DLG2: variants seen among roughly 807,000 people sequenced by gnomAD.
The protein encoded by DLG2 is discs large MAGUK scaffold protein 2.
In DLG2, 45 loss-of-function variants were observed where a neutral mutation model predicts 132.5. That is an observed-to-expected ratio of 0.34 (90% CI 0.27 to 0.44). The LOEUF (loss-of-function observed/expected upper bound fraction) is 0.44, where lower values mean the gene tolerates loss of function less well. Ranked by LOEUF, DLG2 falls within the 20% of genes least tolerant of loss-of-function variation. DLG2 has a pLI of 1.00. For synonymous variants in DLG2, 424 were observed against 419.6 expected, an observed-to-expected ratio of 1.01 and a Z score of -0.13; for missense variants, 1,045 against 1,196.9, an observed-to-expected ratio of 0.87 and a Z score of 1.87.
At chr11:85,270,941 G>A (rs72950131) in intron 4 of DLG2, among the ~76,000 whole-genome samples, 41 of 152,310 alleles carry the variant, frequency 2.7e-4, no homozygotes, top group Admixed American at 1.2e-3. Flanking sequence ...CTGACAATCC[G>A]ATAGAAAGCA....
intron 4 of DLG2, among the ~76,000 whole-genome samples, chr11:85,174,144 C>T (rs2079060991): frequency 6.6e-6 from 1 of 152,122 alleles, no homozygotes; most frequent in Non-Finnish European, 1.5e-5. Flanking sequence ...ACAGAACTCT[C>T]CAACCAAAAA....
At chr11:83,981,645 C>T (rs561541907) in intron 11 of DLG2, among the ~76,000 whole-genome samples, 3 of 152,100 alleles carry the variant, frequency 2.0e-5, no homozygotes, top group East Asian at 1.9e-4. Context: ...AAATGTTGGC[C>T]AGGCTGGTCT....
chr11:85,504,674 T>G (rs572395649), intron 3 of DLG2, among the ~76,000 whole-genome samples: 1 of 152,172 alleles, frequency 6.6e-6, no homozygotes, highest in Non-Finnish European at 1.5e-5. Context: ...TCTTTTGCCT[T>G]AGGATTGTCT....
At chr11:85,533,247 C>T (rs2153194215) in intron 3 of DLG2, among the ~76,000 whole-genome samples, 1 of 152,158 alleles carries the variant, frequency 6.6e-6, no homozygotes, top group South Asian at 2.1e-4. Flanking sequence ...TAGTCTCGAA[C>T]TCCTGGCCTC....
intron 7 of DLG2, among the ~76,000 whole-genome samples, chr11:84,375,411 C>T (rs1030921482): frequency 4.6e-4 from 70 of 152,186 alleles, no homozygotes; most frequent in African/African-American, 1.5e-3. Flanking sequence ...ACTGACAATG[C>T]TGCTGAGTCT....
At chr11:83,862,708 AC>A (rs1322338992) in intron 16 of DLG2, among the ~76,000 whole-genome samples, 2 of 152,142 alleles carry the variant, frequency 1.3e-5, no homozygotes, top group Non-Finnish European at 2.9e-5. Context: ...ATTACTGTCT[AC>A]AAACTTTAAA....
intron 12 of DLG2, among the ~76,000 whole-genome samples, chr11:83,976,572 T>C (rs1440283882): frequency 6.6e-6 from 1 of 151,830 alleles, no homozygotes; most frequent in Admixed American, 6.6e-5. Flanking sequence ...AGCAAGATAA[T>C]TGGTCTTTTA....
intron 6 of DLG2, among the ~76,000 whole-genome samples, chr11:84,833,528 G>A (rs1054256688): frequency 2.0e-5 from 3 of 151,284 alleles, no homozygotes; most frequent in African/African-American, 7.3e-5. Context: ...TTTTCACATT[G>A]ACATCATCAA....
intron 7 of DLG2, among the ~76,000 whole-genome samples, chr11:84,447,846 A>G (rs1435918071): frequency 1.3e-5 from 2 of 152,106 alleles, no homozygotes; most frequent in Non-Finnish European, 2.9e-5. Flanking sequence ...TACAGCAGAA[A>G]AATAGACTGA....
At chr11:85,203,846 T>A (rs1269357085) in intron 4 of DLG2, among the ~76,000 whole-genome samples, 5 of 152,080 alleles carry the variant, frequency 3.3e-5, no homozygotes, top group African/African-American at 1.2e-4. Flanking sequence ...CATAATCAAG[T>A]GGGATTTAGT....
rs749560365 is a variant in DLG2, at chr11:85,559,067, G to A, written c.40+39590C>T. Reference sequence around the variant, plus strand: ...CAATTTAGAAATAGATAGTGGTGATGTTATGAAATGAATTGTCAAAATGGA... The same window carrying A: ...CAATTTAGAAATAGATAGTGGTGATATTATGAAATGAATTGTCAAAATGGA... On this transcript the variant is annotated intron_variant, in intron 3 of 27. Transcript: ENST00000376104. 2.0e-4 allele frequency among the ~76,000 whole-genome samples: 31 copies of A among 151,668 alleles called. 1 individual carries two copies. The highest frequency in any genetic ancestry group is 3.7e-4 in the Non-Finnish European group (25 of 67,856).
At chr11:85,549,418 C>G (rs1055653386) in intron 3 of DLG2, among the ~76,000 whole-genome samples, 3 of 152,164 alleles carry the variant, frequency 2.0e-5, no homozygotes, top group Admixed American at 1.3e-4. Context: ...CGGAGCTGTT[C>G]CTATTCGGCC....
chr11:84,919,161 G>T (rs1196186221), intron 6 of DLG2, among the ~76,000 whole-genome samples: 2 of 151,900 alleles, frequency 1.3e-5, no homozygotes, highest in African/African-American at 4.8e-5. Context: ...GCTACTTGGT[G>T]GTCTTCATTT....
intron 6 of DLG2, among the ~76,000 whole-genome samples, chr11:85,036,534 A>G (rs2061448922): frequency 6.6e-6 from 1 of 152,234 alleles, no homozygotes; most frequent in Admixed American, 6.5e-5. Flanking sequence ...GTAAGACTAC[A>G]TGTAGAAATA....
At chr11:85,383,967 T>G (rs113729703) in intron 3 of DLG2, among the ~76,000 whole-genome samples, 1,610 of 152,314 alleles carry the variant, frequency 0.011, 9 homozygotes, top group Non-Finnish European at 0.016. Flanking sequence ...CTCGTCAATG[T>G]TTGAAATGCC....
chr11:83,866,893 G>C (rs565518144), intron 16 of DLG2, among the ~76,000 whole-genome samples: 8 of 152,228 alleles, frequency 5.3e-5, no homozygotes, highest in African/African-American at 1.9e-4. Context: ...CGAGACTCCT[G>C]ACCTGTGACT....
chr11:84,496,275 G>A (rs1459513726), intron 7 of DLG2, among the ~76,000 whole-genome samples: 3 of 152,070 alleles, frequency 2.0e-5, no homozygotes, highest in South Asian at 4.2e-4. Flanking sequence ...TTCAGAACTC[G>A]CTGATGAACA....
At chr11:83,619,437 A>G (rs961378530) in intron 19 of DLG2, among the ~76,000 whole-genome samples, 1 of 152,234 alleles carries the variant, frequency 6.6e-6, no homozygotes, top group African/African-American at 2.4e-5. Flanking sequence ...GGTATTTGGC[A>G]TAGGACAGAA....
intron 6 of DLG2, among the ~76,000 whole-genome samples, chr11:84,655,632 G>C (rs558434126): frequency 1.1e-4 from 17 of 152,158 alleles, no homozygotes; most frequent in Non-Finnish European, 2.2e-4. Context: ...GTGACTCTTG[G>C]CTTTGTCTTG....
Sources: gnomAD v4.1 joint callset for allele counts (sites outside exome capture counted in the v4.1 genomes callset) on GRCh38, gnomAD v4.1.1 for gene constraint, MANE v1.5 for transcripts, NCBI Gene and HGNC (gene_info 2026-07-23, HGNC 2026-07-21) for gene names.